The following LRRC8E variants were observed in gnomAD, a reference collection of about 807,000 sequenced individuals.
The protein encoded by LRRC8E is volume-regulated anion channel subunit LRRC8E.
A neutral mutation model predicts 6.1 loss-of-function variants in LRRC8E; 6 were observed. The observed-to-expected ratio is 0.98, with a 90% CI of 0.54 to 1.93. The LOEUF (loss-of-function observed/expected upper bound fraction) is 1.93, where lower values mean the gene tolerates loss of function less well. LRRC8E is among the 30% of genes most tolerant of loss of function. LRRC8E has a pLI of 0.01. For missense variants in LRRC8E, 1,028 were observed against 1,031.4 expected (o/e 1.00, Z 0.04); for synonymous variants, 485 against 472.8 (o/e 1.03, Z -0.33).
At chr19:7,898,229 A>C (rs370876178) in intron 2 of LRRC8E, among the ~76,000 whole-genome samples, 3 of 151,696 alleles carry the variant, frequency 2.0e-5, no homozygotes, top group African/African-American at 4.8e-5. Context: ...AAAAAAAAAA[A>C]AACAGTGCTT....
chr19:7,898,989 G>C lies in LRRC8E; in HGVS notation c.467G>C (p.Cys156Ser), dbSNP rs372125973. The C allele has an allele frequency of 6.2e-7, 1 of 1,614,080 alleles. No individual in the cohort carries two copies. The highest frequency in any genetic ancestry group is 8.5e-7 in the Non-Finnish European group (1 of 1,180,036). Residue 156 changes from cysteine to serine, a missense_variant, in exon 3 of 3, where the codon TGT becomes TCT. By Grantham distance (112) the Cys-to-Ser change is moderately radical (BLOSUM62 -1). Coordinates refer to ENST00000306708, the MANE Select transcript of LRRC8E (RefSeq NM_025061.6). ...IEHFISILGK[C>S]FDSPWTTRAL... is the part of the protein sequence containing the mutation. ...CACTTCATCTCCATCCTGGGCAAGT[G>C]TTTCGACTCTCCATGGACCACCAGG...
chr19:7,889,335 G>A (rs1855530148), intron 1 of LRRC8E, among the ~76,000 whole-genome samples: 1 of 152,038 alleles, frequency 6.6e-6, no homozygotes, highest in Non-Finnish European at 1.5e-5. Flanking sequence ...CCAGCTACTG[G>A]GGAGGCTGAG....
rs1981552654 is a variant in LRRC8E, at chr19:7,895,745, AG to A, written c.138+6del. ...GGTCTTTGGCTGCACCCTCCAGGTGAGGCCCTCCCCTGGCAAGGGGGTGTGA... is the reference window on the plus strand; with the variant it reads ...GGTCTTTGGCTGCACCCTCCAGGTGAGCCCTCCCCTGGCAAGGGGGTGTGA... On this transcript the variant is annotated splice_donor_5th_base_variant and intron_variant, in intron 2 of 2. Transcript: ENST00000306708. The surrounding 1 kb of genome is among the most constrained non-coding windows in gnomAD (Gnocchi z 4.7). The A allele has an allele frequency of 1.2e-6, 2 of 1,611,256 alleles. No homozygotes were observed. Among genetic ancestry groups the A allele is most frequent in the Non-Finnish European group, 1.7e-6 (2 of 1,177,878 alleles).
intron 2 of LRRC8E, among the ~76,000 whole-genome samples, chr19:7,897,619 C>A (rs1981669455): frequency 6.6e-6 from 1 of 150,758 alleles, no homozygotes; most frequent in East Asian, 2.0e-4. Flanking sequence ...CCCCCTCCCA[C>A]TGCCTCCCAA....
At position 7,900,332 on chromosome 19, in the gene LRRC8E, C is replaced by T; in HGVS notation, c.1810C>T (p.Leu604=). 6.2e-7 allele frequency: 1 copy of T among 1,613,246 alleles called. No individual in the cohort carries two copies. Among genetic ancestry groups the T allele is most frequent in the African/African-American group, 1.3e-5 (1 of 75,060 alleles). The change falls in exon 3 of 3, where the codon CTG becomes TTG. Residue 604 remains leucine (L), a synonymous_variant. Coordinates refer to ENST00000306708, the MANE Select transcript of LRRC8E (RefSeq NM_025061.6). This position sits in a 1 kb window ranked among gnomAD's most constrained non-coding sequence, Gnocchi z 5.0. ...LERIPHAVFS[L]GALQELDLKD... ...GCGCATCCCCCATGCAGTGTTCAGC[C>T]TGGGTGCGCTGCAGGAACTTGACCT...
chr19:7,900,927 C>A lies in LRRC8E; in HGVS notation c.*14C>A. ...GAGGAGGAATGAAGCTGGGGTGGGGCCGTTTTAGGTAGAGCCTTAAAAATG... is the reference window on the plus strand; with the variant it reads ...GAGGAGGAATGAAGCTGGGGTGGGGACGTTTTAGGTAGAGCCTTAAAAATG... On this transcript the variant is annotated 3_prime_UTR_variant, in exon 3 of 3. Transcript: ENST00000306708. This position sits in a 1 kb window ranked among gnomAD's most constrained non-coding sequence, Gnocchi z 5.0. The A allele has an allele frequency of 6.6e-7, 1 of 1,509,202 alleles. No homozygotes were observed. Among genetic ancestry groups the A allele is most frequent in the Non-Finnish European group, 8.8e-7 (1 of 1,130,772 alleles). The allele number at this position is 1,509,202 out of a possible 1,614,324, so 93.5% of individuals were successfully genotyped here. A position where few individuals can be genotyped will look rare whatever the true frequency, so the allele number is the denominator to read the frequency against.
In LRRC8E at chr19:7,898,967, T is replaced by C. The variant is rs1408136534; in HGVS notation, c.445T>C (p.Phe149Leu). ...FPGTSSKIEH[F>L]ISILGKCFDS... ...TGGCACCAGCTCCAAGATTGAACAC[T>C]TCATCTCCATCCTGGGCAAGTGTTT... Residue 149 changes from phenylalanine to leucine, a missense_variant, in exon 3 of 3, where the codon TTC (phenylalanine) becomes CTC (leucine). Transcript: ENST00000306708. 1 of 1,614,144 alleles carries C rather than the reference T, an allele frequency of 6.2e-7. No individual in the cohort carries two copies. The highest frequency in any genetic ancestry group is 1.1e-5 in the South Asian group (1 of 91,090).
In LRRC8E at chr19:7,895,908, C is replaced by T. The variant is rs1981562266; in HGVS notation, c.138+167C>T. On this transcript the variant is annotated intron_variant, in intron 2 of 2. Coordinates refer to ENST00000306708, the MANE Select transcript of LRRC8E (RefSeq NM_025061.6). This position sits in a 1 kb window ranked among gnomAD's most constrained non-coding sequence, Gnocchi z 4.7. ...TTCCTTACCTCCATAGCCAGGAGCACCGGAGTCCCCACATTGCTATGCCAT... is the reference window on the plus strand; with the variant it reads ...TTCCTTACCTCCATAGCCAGGAGCATCGGAGTCCCCACATTGCTATGCCAT... 6.6e-6 allele frequency among the ~76,000 whole-genome samples: 1 copy of T among 152,194 alleles called. No individual in the cohort carries two copies. Among genetic ancestry groups the T allele is most frequent in the African/African-American group, 2.4e-5 (1 of 41,446 alleles).
intron 1 of LRRC8E, among the ~76,000 whole-genome samples, chr19:7,890,990 C>A (rs376101866): frequency 2.6e-5 from 4 of 152,162 alleles, no homozygotes; most frequent in African/African-American, 9.7e-5. Flanking sequence ...AGCCACCGTG[C>A]CTGGCAAGAT....
rs1555698105 is a variant in LRRC8E, at chr19:7,897,172, C to CTA, written c.138+1432_138+1433insAT. 1.0e-4 allele frequency among the ~76,000 whole-genome samples: 15 copies of CTA among 147,452 alleles called. 1 individual carries two copies. Among genetic ancestry groups the CTA allele is most frequent in the East Asian group, 2.0e-4 (1 of 4,930 alleles). ...ACATTCTCCCAGTATTTTTCTTTTT[C>CTA]TTTTTCTTTTTTTTTTAGACAGAGT... On this transcript the variant is annotated intron_variant, in intron 2 of 2. Coordinates refer to ENST00000306708, the MANE Select transcript of LRRC8E (RefSeq NM_025061.6).
At chr19:7,889,978 C>G (rs983754275) in intron 1 of LRRC8E, among the ~76,000 whole-genome samples, 3 of 151,732 alleles carry the variant, frequency 2.0e-5, no homozygotes, top group African/African-American at 7.3e-5. Flanking sequence ...ATCTCTTGAC[C>G]TCGTGATCCA....
chr19:7,895,464 C>G lies in LRRC8E; in HGVS notation c.-5-135C>G. The G allele has an allele frequency of 9.3e-7, 1 of 1,071,660 alleles. No homozygotes were observed. The highest frequency in any genetic ancestry group is 1.5e-5 in the South Asian group (1 of 67,744). 66.4% of individuals were successfully genotyped at this position (1,071,660 alleles called of 1,614,324 possible). A position where few individuals can be genotyped will look rare whatever the true frequency, so the allele number is the denominator to read the frequency against. ...AGGCTAAGAGGGAAGTGGGGGCACA[C>G]ACTTTGGTGGTTTGGACAAGTTTGG... On this transcript the variant is annotated intron_variant, in intron 1 of 2. Coordinates refer to ENST00000306708, the MANE Select transcript of LRRC8E (RefSeq NM_025061.6). This position sits in a 1 kb window ranked among gnomAD's most constrained non-coding sequence, Gnocchi z 4.7.
intron 2 of LRRC8E, among the ~76,000 whole-genome samples, chr19:7,897,067 G>A (rs192617179): frequency 1.1e-4 from 17 of 152,266 alleles, no homozygotes; most frequent in African/African-American, 3.6e-4. Context: ...AGATCAAGGC[G>A]TCAGTTGTCA....
At chr19:7,897,286 T>A (rs1981647722) in intron 2 of LRRC8E, among the ~76,000 whole-genome samples, 1 of 151,648 alleles carries the variant, frequency 6.6e-6, no homozygotes, top group African/African-American at 2.4e-5. Flanking sequence ...TCTCCTGGCT[T>A]AGCCTCCCAA....
At chr19:7,897,783 C>A (rs1171926500) in intron 2 of LRRC8E, among the ~76,000 whole-genome samples, 2 of 152,052 alleles carry the variant, frequency 1.3e-5, no homozygotes, top group African/African-American at 4.8e-5. Context: ...TCTTGACTAC[C>A]TCTGCAAAGA....
rs1347465220 is a variant in LRRC8E at position 7,900,609 on chromosome 19, GC to G, written c.2089del (p.Leu697SerfsTer38). 6.2e-7 allele frequency: 1 copy of G among 1,613,170 alleles called. No homozygotes were observed. The highest frequency in any genetic ancestry group is 8.5e-7 in the Non-Finnish European group (1 of 1,180,040). The part of the protein sequence containing the change: ...NGLHSLPPEV[G>X]LLQNLQHLAL... ...CTACACTCCCTGCCACCCGAGGTGG[GC>G]CTCCTGCAGAACCTACAGCACCTGG... On this transcript the variant is annotated frameshift_variant, in exon 3 of 3. Coordinates refer to ENST00000306708, the MANE Select transcript of LRRC8E (RefSeq NM_025061.6). LOFTEE classifies it low-confidence loss of function (END_TRUNC). This position sits in a 1 kb window ranked among gnomAD's most constrained non-coding sequence, Gnocchi z 5.0.
intron 1 of LRRC8E, among the ~76,000 whole-genome samples, chr19:7,894,447 G>A (rs910473089): frequency 5.3e-5 from 8 of 152,072 alleles, no homozygotes; most frequent in African/African-American, 1.5e-4. Context: ...CACTGGTCTC[G>A]AACTCCTAAC....
Position 7,901,051 on chromosome 19 carries a change from T to C in LRRC8E, c.*138T>C. 1.4e-6 allele frequency: 1 copy of C among 694,232 alleles called. No homozygotes were observed. Among genetic ancestry groups the C allele is most frequent in the Non-Finnish European group, 2.3e-6 (1 of 440,682 alleles). The allele number at this position is 694,232 out of a possible 1,614,324, so 43.0% of individuals were successfully genotyped here. ...GGCGGGGGCAGCTGTGTCATCTTTC[T>C]GGGGCCCAGGAGGATCTGGGCTGGT... On this transcript the variant is annotated 3_prime_UTR_variant, in exon 3 of 3. Transcript: ENST00000306708.
In LRRC8E at chr19:7,901,666, C is replaced by A. The variant is rs1982024146; in HGVS notation, c.*753C>A. 1 of 150,128 alleles carries A rather than the reference C, an allele frequency of 6.7e-6. No homozygotes were observed. Among genetic ancestry groups the A allele is most frequent in the Admixed American group, 6.7e-5 (1 of 14,994 alleles). The allele number at this position is 150,128 out of a possible 1,614,324, so 9.3% of individuals were successfully genotyped here. A position where few individuals can be genotyped will look rare whatever the true frequency, so the allele number is the denominator to read the frequency against. ...GCCAATGCAGGAGGATGGTTGAGCT[C>A]AGGAGTTCGAGATCAGCCTGGGTAA... On this transcript the variant is annotated 3_prime_UTR_variant, in exon 3 of 3. Transcript: ENST00000306708.
Sources: allele counts gnomAD v4.1 joint callset (sites outside exome capture counted in the v4.1 genomes callset), GRCh38; gene constraint gnomAD v4.1.1; non-coding constraint Gnocchi (gnomAD v3.1); transcripts MANE v1.5; gene names NCBI Gene and HGNC (gene_info 2026-07-23, HGNC 2026-07-21).